NSD1: variants seen among roughly 807,000 people sequenced by gnomAD.
NSD1 encodes the protein nuclear receptor binding SET domain protein 1, also known as histone-lysine N-methyltransferase, H3 lysine-36 specific.
A neutral mutation model predicts 242.7 loss-of-function variants in NSD1; 26 were observed. That is an observed-to-expected ratio of 0.11 (90% CI 0.08 to 0.15). The LOEUF (loss-of-function observed/expected upper bound fraction) is 0.15. Ranked by LOEUF, NSD1 falls within the 10% of genes least tolerant of loss-of-function variation. NSD1 has a pLI of 1.00. For synonymous variants in NSD1, 1,106 were observed against 1,178.1 expected (o/e 0.94, Z 1.25); for missense variants, 2,495 against 3,272.8 (o/e 0.76, Z 5.80).
At chr5:177,201,830 A>G (rs1469155249) in intron 3 of NSD1, among the ~76,000 whole-genome samples, 11 of 151,282 alleles carry the variant, frequency 7.3e-5, no homozygotes, top group Non-Finnish European at 1.6e-4. Flanking sequence ...AAGGGCTGGG[A>G]TTACAGGCAT....
chr5:177,298,942 C>G lies in NSD1; in HGVS notation c.*3483C>G, dbSNP rs1164745165. 4.3e-6 allele frequency: 1 copy of G among 233,012 alleles called. No individual in the cohort carries two copies. The highest frequency in any genetic ancestry group is 8.5e-6 in the Non-Finnish European group (1 of 117,986). 14.4% of individuals were successfully genotyped at this position (233,012 alleles called of 1,614,324 possible). ...AGCCAGGTTAGAGGAGCCCAGTGTC[C>G]TAACCTCTCTCAGATCATGGCAGAG... is the stretch of plus-strand genomic sequence containing the variant. On this transcript the variant is annotated 3_prime_UTR_variant, in exon 23 of 23. Transcript: ENST00000439151.
At chr5:177,138,985 C>T (rs1423198065) in intron 2 of NSD1, among the ~76,000 whole-genome samples, 1 of 150,008 alleles carries the variant, frequency 6.7e-6, no homozygotes, top group East Asian at 2.0e-4. Context: ...CATGGTGGCT[C>T]ACGCCTGTAA....
intron 2 of NSD1, among the ~76,000 whole-genome samples, chr5:177,146,154 A>G (rs1267909602): frequency 6.6e-6 from 1 of 150,830 alleles, no homozygotes; most frequent in African/African-American, 2.4e-5. Context: ...TTTGCAAAAA[A>G]TATCTAATAC....
upstream of NSD1, chr5:177,133,042 T>TGGTGGC (rs1313208042): frequency 1.3e-5 from 2 of 152,382 alleles, no homozygotes; most frequent in African/African-American, 2.4e-5. This position sits in a 1 kb window ranked among gnomAD's most constrained non-coding sequence, Gnocchi z 6.2. Context: ...GCTTGGTCTG[T>TGGTGGC]GGTGGTGGTG....
rs1294287656 is a variant in NSD1, at chr5:177,291,992, C to G, written c.6297C>G (p.Phe2099Leu). 6.2e-7 allele frequency: 1 copy of G among 1,613,924 alleles called. No individual in the cohort carries two copies. The highest frequency in any genetic ancestry group is 1.3e-5 in the African/African-American group (1 of 75,020). Reference protein sequence around the residue: ...PIATEEKSKKFKKKQQGKRRT... With the variant: ...PIATEEKSKKLKKKQQGKRRT... ...CCACGGAAGAAAAGTCAAAGAAATT[C>G]AAGAAGAAGCAACAGGGAAAGCGCA... The change falls in exon 22 of 23, where the codon TTC (phenylalanine) becomes TTG (leucine). Residue 2099 changes from phenylalanine to leucine, a missense_variant. Phe to Leu is a conservative substitution (Grantham distance 22). Coordinates refer to ENST00000439151, the MANE Select transcript of NSD1 (RefSeq NM_022455.5).
rs188687657 is a variant in NSD1 at position 177,277,683 on chromosome 5, T to G, written c.5623-2882T>G. On this transcript the variant is annotated intron_variant, in intron 17 of 22. Coordinates refer to ENST00000439151, the MANE Select transcript of NSD1 (RefSeq NM_022455.5). ...CATATATTTTCCAGCCTGGGCAACA[T>G]AGCAAAACCCAGTCTCTACAAAAAA... 9.8e-4 allele frequency among the ~76,000 whole-genome samples: 148 copies of G among 151,684 alleles called. No homozygotes were observed. The Middle Eastern group carries it at 0.01, about 10-fold the overall frequency.
chr5:177,218,850 T>A (rs1175942042), intron 5 of NSD1, among the ~76,000 whole-genome samples: 6 of 151,736 alleles, frequency 4.0e-5, no homozygotes, highest in African/African-American at 1.5e-4. Flanking sequence ...ATTACATGCA[T>A]GAGCCACCGC....
At chr5:177,226,171 C>T (rs567560684) in intron 5 of NSD1, among the ~76,000 whole-genome samples, 1 of 152,216 alleles carries the variant, frequency 6.6e-6, no homozygotes, top group East Asian at 1.9e-4. Flanking sequence ...ATCAGCTTCC[C>T]AGGTAGCTGG....
chr5:177,177,429 G>C (rs1017714444), intron 2 of NSD1, among the ~76,000 whole-genome samples: 1 of 152,072 alleles, frequency 6.6e-6, no homozygotes, highest in Non-Finnish European at 1.5e-5. Flanking sequence ...AGAATCGCTT[G>C]AACCCAGGAG....
chr5:177,156,174 AT>A (rs34417228), intron 2 of NSD1, among the ~76,000 whole-genome samples: 10,936 of 77,762 alleles, frequency 0.14, 246 homozygotes, highest in East Asian at 0.32. Context: ...CTCTTTTCAG[AT>A]TTTTTTTTTT....
intron 5 of NSD1, among the ~76,000 whole-genome samples, chr5:177,215,001 G>A (rs1763657680): frequency 6.6e-6 from 1 of 151,716 alleles, no homozygotes; most frequent in South Asian, 2.1e-4. Context: ...ACGCCCTGCC[G>A]ATAACCTTTT....
chr5:177,282,826 C>T (rs982699374), intron 19 of NSD1, among the ~76,000 whole-genome samples: 4 of 152,050 alleles, frequency 2.6e-5, no homozygotes, highest in Non-Finnish European at 5.9e-5. Context: ...GAGCTTATAT[C>T]TTTGAGTATT....
intron 4 of NSD1, among the ~76,000 whole-genome samples, chr5:177,207,156 C>T (rs938569019): frequency 1.3e-5 from 2 of 152,044 alleles, no homozygotes; most frequent in African/African-American, 2.4e-5. Context: ...AGGCTGGTCT[C>T]GACCTCCTAA....
chr5:177,222,746 C>T (rs1764336217), intron 5 of NSD1, among the ~76,000 whole-genome samples: 1 of 151,820 alleles, frequency 6.6e-6, no homozygotes, highest in Non-Finnish European at 1.5e-5. Flanking sequence ...CATATAAGTC[C>T]ATTATTATAT....
chr5:177,265,995 T>G, intron 14 of NSD1: 1 of 1,042,472 alleles, frequency 9.6e-7, no homozygotes, highest in East Asian at 2.4e-5. Context: ...AGGGTTTCCT[T>G]GATGGCCACA....
At chr5:177,225,750 A>G (rs986888302) in intron 5 of NSD1, among the ~76,000 whole-genome samples, 1 of 152,142 alleles carries the variant, frequency 6.6e-6, no homozygotes, top group East Asian at 1.9e-4. Flanking sequence ...TTATATTTCA[A>G]ATATTTTCAT....
At chr5:177,153,773 C>G (rs1757913577) in intron 2 of NSD1, among the ~76,000 whole-genome samples, 1 of 152,132 alleles carries the variant, frequency 6.6e-6, no homozygotes, top group South Asian at 2.1e-4. Flanking sequence ...CTACTACAGT[C>G]TTACTGATTT....
At chr5:177,244,884 A>G (rs1339079157) in intron 9 of NSD1, among the ~76,000 whole-genome samples, 2 of 152,204 alleles carry the variant, frequency 1.3e-5, no homozygotes, top group Non-Finnish European at 2.9e-5. Context: ...AGGTTGGTCA[A>G]TTTGCTTGTA....
chr5:177,248,331 A>C lies in NSD1; in HGVS notation c.4641+7A>C. On this transcript the variant is annotated splice_region_variant and intron_variant, in intron 11 of 22. Transcript: ENST00000439151. Reference sequence around the variant, plus strand: ...CAAGGAGAATGTCTGTCAGGTAGAGAAATGTTTGCCCACTTGTGTTTTCAT... The same window carrying C: ...CAAGGAGAATGTCTGTCAGGTAGAGCAATGTTTGCCCACTTGTGTTTTCAT... The C allele has an allele frequency of 6.2e-7, 1 of 1,613,022 alleles. No homozygotes were observed. Among genetic ancestry groups the C allele is most frequent in the Non-Finnish European group, 8.5e-7 (1 of 1,179,510 alleles).
Sources: gnomAD v4.1 joint callset for allele counts (sites outside exome capture counted in the v4.1 genomes callset) on GRCh38, gnomAD v4.1.1 for gene constraint, Gnocchi (gnomAD v3.1) non-coding constraint, MANE v1.5 for transcripts, NCBI Gene and HGNC (gene_info 2026-07-23, HGNC 2026-07-21) for gene names.